Variants in RELN observed in about 807,000 individuals in gnomAD.
The protein encoded by RELN is reelin.
Under a neutral mutation model 427.6 loss-of-function variants are expected in RELN, and 108 were observed. The ratio of observed to expected loss-of-function variants is 0.25; its 90% CI spans 0.22 to 0.30. The LOEUF (loss-of-function observed/expected upper bound fraction) is 0.30. RELN is among the 10% of genes least tolerant of loss of function. The pLI is 1.00. For missense variants in RELN, 3,715 were observed against 4,302.8 expected (o/e 0.86, Z 3.82); for synonymous variants, 1,524 against 1,513.4 (o/e 1.01, Z -0.16).
intron 57 of RELN, among the ~76,000 whole-genome samples, chr7:103,494,956 C>G (rs1828790372): frequency 1.3e-5 from 2 of 151,648 alleles, no homozygotes; most frequent in South Asian, 4.2e-4. Flanking sequence ...AGGGGAGAGA[C>G]AGCGGAAGGG....
At chr7:103,746,676 G>C (rs190806007) in intron 6 of RELN, among the ~76,000 whole-genome samples, 53 of 152,140 alleles carry the variant, frequency 3.5e-4, no homozygotes, top group Admixed American at 2.7e-3. Flanking sequence ...CTCATCATCA[G>C]TGGCCATCAG....
At chr7:103,959,234 T>A (rs1434119233) in intron 1 of RELN, among the ~76,000 whole-genome samples, 1 of 152,168 alleles carries the variant, frequency 6.6e-6, no homozygotes, top group African/African-American at 2.4e-5. Flanking sequence ...CGAGCCATCA[T>A]GCCTGGCTGA....
intron 20 of RELN, among the ~76,000 whole-genome samples, chr7:103,621,683 C>CTA (rs577312900): frequency 1.1e-3 from 165 of 152,158 alleles, no homozygotes; most frequent in Admixed American, 4.0e-3. Flanking sequence ...CAACCAAGGC[C>CTA]TATCAAGATT....
At chr7:103,755,022 G>C (rs938681974) in intron 4 of RELN, among the ~76,000 whole-genome samples, 1 of 152,130 alleles carries the variant, frequency 6.6e-6, no homozygotes, top group Non-Finnish European at 1.5e-5. Context: ...ATGAACTCAG[G>C]GATTTTGGCC....
At chr7:103,592,021 C>T (rs892133427) in intron 27 of RELN, among the ~76,000 whole-genome samples, 3 of 152,062 alleles carry the variant, frequency 2.0e-5, no homozygotes, top group African/African-American at 7.2e-5. Flanking sequence ...AGAGAAAGGT[C>T]GTATTCACTG....
intron 20 of RELN, among the ~76,000 whole-genome samples, chr7:103,625,827 T>C (rs1832317253): frequency 6.6e-6 from 1 of 152,096 alleles, no homozygotes; most frequent in Non-Finnish European, 1.5e-5. Flanking sequence ...ACAGGTTTGG[T>C]AATTCGAAAA....
chr7:103,633,593 G>T (rs542943475), intron 19 of RELN, among the ~76,000 whole-genome samples: 7 of 152,074 alleles, frequency 4.6e-5, no homozygotes, highest in East Asian at 1.9e-4. Context: ...ATACTGAAAA[G>T]CTACCTTGAT....
At chr7:103,578,543 A>C (rs1384997298) in intron 28 of RELN, among the ~76,000 whole-genome samples, 2 of 152,122 alleles carry the variant, frequency 1.3e-5, no homozygotes, top group Non-Finnish European at 2.9e-5. Context: ...TGACCTCAGC[A>C]CGTTTTGCTT....
Position 103,601,114 on chromosome 7 carries a change from A to ATGTGTG in RELN, c.3333+2184_3333+2189dup, listed in dbSNP as rs34548867. On this transcript the variant is annotated intron_variant, in intron 24 of 64. Transcript: ENST00000428762. ...GATATGTAACCCTTTACATGTTAAA[A>ATGTGTG]TGTGTGTGTGTGTGTGTATGTGTAT... Among the ~76,000 whole-genome samples, 113 of 150,796 alleles carry ATGTGTG rather than the reference A, an allele frequency of 7.5e-4. No homozygotes were observed. In the South Asian group the frequency reaches 0.012, roughly 15 times the overall value.
At chr7:103,590,400 A>G (rs565264253) in intron 27 of RELN, among the ~76,000 whole-genome samples, 26 of 152,096 alleles carry the variant, frequency 1.7e-4, no homozygotes, top group African/African-American at 5.8e-4. Flanking sequence ...TGTCTCTACT[A>G]AAAATACAAA....
chr7:103,585,256 A>T (rs1831243481), intron 28 of RELN, among the ~76,000 whole-genome samples: 1 of 152,166 alleles, frequency 6.6e-6, no homozygotes, highest in Admixed American at 6.5e-5. Flanking sequence ...ACAAAGGATC[A>T]ATGAGATGAT....
intron 22 of RELN, among the ~76,000 whole-genome samples, chr7:103,605,006 T>C (rs1831783410): frequency 6.6e-6 from 1 of 152,130 alleles, no homozygotes; most frequent in Non-Finnish European, 1.5e-5. Context: ...ATTTTTGTAT[T>C]TTTAGTAGAG....
chr7:103,779,910 T>A (rs1791843374), intron 3 of RELN, among the ~76,000 whole-genome samples: 1 of 152,182 alleles, frequency 6.6e-6, no homozygotes. Flanking sequence ...GTATTTTTAG[T>A]AGTAACAGGG....
At chr7:103,963,817 T>G (rs181260653) in intron 1 of RELN, among the ~76,000 whole-genome samples, 2 of 152,290 alleles carry the variant, frequency 1.3e-5, no homozygotes, top group East Asian at 3.9e-4. Context: ...TGATTTGCCA[T>G]GCAGAGTTAC....
At chr7:103,807,193 G>C (rs896891975) in intron 3 of RELN, among the ~76,000 whole-genome samples, 3 of 152,050 alleles carry the variant, frequency 2.0e-5, no homozygotes, top group African/African-American at 7.2e-5. Context: ...ATACAGTAAA[G>C]AATTTTTTAA....
intron 1 of RELN, among the ~76,000 whole-genome samples, chr7:103,980,146 G>A (rs1765309028): frequency 1.3e-5 from 2 of 148,248 alleles, no homozygotes; most frequent in Admixed American, 1.3e-4. Context: ...GACAACAAGA[G>A]CGAAACTCTG....
chr7:103,830,628 C>G (rs773039838), intron 3 of RELN, among the ~76,000 whole-genome samples: 7 of 151,756 alleles, frequency 4.6e-5, no homozygotes, highest in Non-Finnish European at 8.8e-5. Context: ...ATATATAGCT[C>G]TACTCAATAT....
At chr7:103,608,422 T>G (rs1431354339) in intron 22 of RELN, among the ~76,000 whole-genome samples, 2 of 152,136 alleles carry the variant, frequency 1.3e-5, no homozygotes, top group Non-Finnish European at 2.9e-5. Flanking sequence ...CTTTTTTTTT[T>G]CCAGGGCTTT....
In RELN at chr7:103,625,664, T is replaced by G. The variant is rs555440809; in HGVS notation, c.2702+4276A>C. Reference sequence around the variant, plus strand: ...CCATTTTACAGATGAAAACCTCAGGTTCACATGTATCCCCCCTTTTTTTAG... The same window carrying G: ...CCATTTTACAGATGAAAACCTCAGGGTCACATGTATCCCCCCTTTTTTTAG... On this transcript the variant is annotated intron_variant, in intron 20 of 64. Coordinates refer to ENST00000428762, the MANE Select transcript of RELN (RefSeq NM_005045.4). 2.0e-5 allele frequency among the ~76,000 whole-genome samples: 3 copies of G among 152,124 alleles called. No individual in the cohort carries two copies. In the South Asian group the frequency reaches 6.2e-4, roughly 32 times the overall value.
Sources: allele counts gnomAD v4.1 joint callset (sites outside exome capture counted in the v4.1 genomes callset), GRCh38; gene constraint gnomAD v4.1.1; transcripts MANE v1.5; gene names NCBI Gene and HGNC (gene_info 2026-07-23, HGNC 2026-07-21).